The following SV2C variants were observed in gnomAD, a reference collection of about 807,000 sequenced individuals.
The protein encoded by SV2C is synaptic vesicle glycoprotein 2C.
SV2C carries 49 observed loss-of-function variants against 79.7 expected under a neutral mutation model. The observed-to-expected ratio is 0.61, with a 90% CI of 0.49 to 0.78. The LOEUF (loss-of-function observed/expected upper bound fraction) is 0.78, where lower values mean the gene tolerates loss of function less well. SV2C is among the 30% of genes least tolerant of loss of function. The probability of loss-of-function intolerance (pLI) is 0.00; values close to 1 mark genes in which losing one functional copy is unlikely to be tolerated. For missense variants in SV2C, 833 were observed against 912.9 expected, an observed-to-expected ratio of 0.91 and a Z score of 1.13; for synonymous variants, 334 against 333.2, an observed-to-expected ratio of 1.00 and a Z score of -0.03.
the SV2C span, among the ~76,000 whole-genome samples, chr5:75,891,967 T>A: frequency 1.3e-5 from 2 of 152,054 alleles, no homozygotes; most frequent in Non-Finnish European, 2.9e-5. Flanking sequence ...AACCCTGACC[T>A]CCCCAGCAAA....
At chr5:76,037,845 C>T in the SV2C span, among the ~76,000 whole-genome samples, 3 of 152,360 alleles carry the variant, frequency 2.0e-5, no homozygotes, top group South Asian at 4.1e-4. Flanking sequence ...CCCCCAGCCT[C>T]GTTGCCGCCT....
At chr5:76,144,999 A>G (rs1272868834) in intron 2 of SV2C, among the ~76,000 whole-genome samples, 4 of 152,260 alleles carry the variant, frequency 2.6e-5, no homozygotes, top group Admixed American at 2.6e-4. Context: ...CCCAGGCCCA[A>G]GAGAAGAGCT....
At chr5:76,221,297 CTTTCAGCAAACTCAAAA>C (rs1268676693) in intron 4 of SV2C, among the ~76,000 whole-genome samples, 1 of 152,162 alleles carries the variant, frequency 6.6e-6, no homozygotes, top group Non-Finnish European at 1.5e-5. Context: ...CTTACATGGC[CTTTCAGCAAACTCAAAA>C]TTTCAGCACT....
the SV2C span, among the ~76,000 whole-genome samples, chr5:75,875,225 A>G: frequency 1.3e-5 from 2 of 152,222 alleles, no homozygotes; most frequent in South Asian, 2.1e-4. Context: ...ACTGGTACAA[A>G]AAAAGGCACA....
intron 2 of SV2C, among the ~76,000 whole-genome samples, chr5:76,149,368 G>A (rs1305323568): frequency 6.6e-6 from 1 of 152,154 alleles, no homozygotes; most frequent in East Asian, 1.9e-4. Context: ...GGTTAGAGCT[G>A]AAGTGCAGGT....
At chr5:76,036,264 T>A in the SV2C span, among the ~76,000 whole-genome samples, 3 of 152,166 alleles carry the variant, frequency 2.0e-5, no homozygotes, top group African/African-American at 7.2e-5. Context: ...AATATTATTA[T>A]GTGTGAATTT....
the SV2C span, among the ~76,000 whole-genome samples, chr5:76,075,043 G>C: frequency 6.6e-6 from 1 of 152,122 alleles, no homozygotes; most frequent in African/African-American, 2.4e-5. Context: ...ATAAAAAAGA[G>C]GAAATGTATT....
the SV2C span, among the ~76,000 whole-genome samples, chr5:75,968,688 A>C: frequency 0.09 from 13,695 of 152,314 alleles, 682 homozygotes; most frequent in South Asian, 0.17. Context: ...AAAAGACCAA[A>C]TCTACGTCTG....
intron 3 of SV2C, among the ~76,000 whole-genome samples, chr5:76,208,846 C>T (rs184537056): frequency 6.6e-6 from 1 of 152,268 alleles, no homozygotes; most frequent in East Asian, 1.9e-4. Context: ...TTTTTCTTTA[C>T]TACCTTGCTT....
intron 12 of SV2C, among the ~76,000 whole-genome samples, chr5:76,341,707 CT>C (rs1749444594): frequency 6.6e-6 from 1 of 152,138 alleles, no homozygotes; most frequent in African/African-American, 2.4e-5. Context: ...AGCAATGTGC[CT>C]GACACACAAA....
At chr5:76,181,938 C>T (rs1193269830) in intron 2 of SV2C, among the ~76,000 whole-genome samples, 2 of 152,204 alleles carry the variant, frequency 1.3e-5, no homozygotes, top group Non-Finnish European at 2.9e-5. Context: ...TTTCTCCACA[C>T]ACTAAACCCA....
the SV2C span, among the ~76,000 whole-genome samples, chr5:76,019,034 C>T: frequency 6.6e-6 from 1 of 152,142 alleles, no homozygotes; most frequent in African/African-American, 2.4e-5. Flanking sequence ...TTTTCACCTC[C>T]CTCCTGGGGA....
At chr5:76,151,605 G>T (rs985787108) in intron 2 of SV2C, among the ~76,000 whole-genome samples, 2 of 152,180 alleles carry the variant, frequency 1.3e-5, no homozygotes, top group African/African-American at 4.8e-5. Flanking sequence ...CATGAGCTAT[G>T]GGTGCAGGGA....
chr5:76,247,860 T>G (rs1745990332), intron 4 of SV2C, among the ~76,000 whole-genome samples: 1 of 152,198 alleles, frequency 6.6e-6, no homozygotes, highest in South Asian at 2.1e-4. Flanking sequence ...ATTACATGCA[T>G]GCTAATATTT....
chr5:76,319,725 A>T (rs1748763523), intron 12 of SV2C, among the ~76,000 whole-genome samples: 1 of 152,194 alleles, frequency 6.6e-6, no homozygotes, highest in Non-Finnish European at 1.5e-5. Flanking sequence ...CCTCGAGTAC[A>T]GTTTCAGTGA....
chr5:75,898,993 A>G, the SV2C span, among the ~76,000 whole-genome samples: 7 of 151,884 alleles, frequency 4.6e-5, no homozygotes, highest in Non-Finnish European at 1.0e-4. Flanking sequence ...CGGTCTAACA[A>G]TTTTGTTGAT....
the SV2C span, among the ~76,000 whole-genome samples, chr5:76,042,781 T>C: frequency 1.3e-5 from 2 of 152,338 alleles, no homozygotes; most frequent in East Asian, 3.9e-4. Context: ...CCTACCTCAG[T>C]ACTCACATCT....
At position 76,339,636 on chromosome 5, in the gene SV2C, C is replaced by T. The variant is rs547170159; in HGVS notation, c.2001-13494C>T. 2.6e-5 allele frequency among the ~76,000 whole-genome samples: 4 copies of T among 151,618 alleles called. No homozygotes were observed. The South Asian group carries it at 6.3e-4, about 24-fold the overall frequency. On this transcript the variant is annotated intron_variant, in intron 12 of 12. Coordinates refer to the SV2C transcript ENST00000322285. ...GGATGAGGCAGGAGAATGGCGTGAA[C>T]CTGGGAGGCGGAGCTTGCAGTGAGC... is the stretch of plus-strand genomic sequence containing the variant.
chr5:75,911,348 G>T, the SV2C span: 4 of 1,302,642 alleles, frequency 3.1e-6, no homozygotes, highest in African/African-American at 1.5e-5. Context: ...CTCCAAACCC[G>T]CACAGAAAAT....
Sources: gnomAD v4.1 joint callset for allele counts (sites outside exome capture counted in the v4.1 genomes callset) on GRCh38, gnomAD v4.1.1 for gene constraint, MANE v1.5 for transcripts, NCBI Gene and HGNC (gene_info 2026-07-23, HGNC 2026-07-21) for gene names.